Variants in DUSP16 observed in about 807,000 individuals in gnomAD.
The protein encoded by DUSP16 is dual specificity protein phosphatase 16.
In DUSP16, 21 loss-of-function variants were observed where a neutral mutation model predicts 58.3. The ratio of observed to expected loss-of-function variants is 0.36; its 90% CI spans 0.26 to 0.52. The LOEUF (loss-of-function observed/expected upper bound fraction) is 0.52. Ranked by LOEUF, DUSP16 falls within the 20% of genes least tolerant of loss-of-function variation. The pLI is 0.94. For synonymous variants in DUSP16, 320 were observed against 323.8 expected, an observed-to-expected ratio of 0.99 and a Z score of 0.12; for missense variants, 726 against 819.0, an observed-to-expected ratio of 0.89 and a Z score of 1.39.
chr12:12,495,703 C>A (rs1390146160), intron 4 of DUSP16, among the ~76,000 whole-genome samples: 1 of 152,178 alleles, frequency 6.6e-6, no homozygotes. Context: ...ATTAAATAAC[C>A]ACAGGCATTT....
At chr12:12,499,324 G>T (rs1406210768) in intron 4 of DUSP16, among the ~76,000 whole-genome samples, 2 of 152,112 alleles carry the variant, frequency 1.3e-5, no homozygotes, top group Non-Finnish European at 2.9e-5. Flanking sequence ...TCTCTAAAAA[G>T]AATTAATAAT....
intron 3 of DUSP16, among the ~76,000 whole-genome samples, chr12:12,508,676 C>T (rs1423919865): frequency 6.6e-6 from 1 of 152,190 alleles, no homozygotes. Context: ...GACAAGTAGC[C>T]TACATCTCAC....
chr12:12,513,724 A>T (rs1331753731), intron 3 of DUSP16, among the ~76,000 whole-genome samples: 2 of 152,184 alleles, frequency 1.3e-5, no homozygotes, highest in Non-Finnish European at 2.9e-5. Context: ...GGGGAAAGAG[A>T]AGGACATAGT....
At chr12:12,549,652 T>A (rs1052241428) in intron 1 of DUSP16, among the ~76,000 whole-genome samples, 9 of 152,078 alleles carry the variant, frequency 5.9e-5, no homozygotes, top group African/African-American at 2.2e-4. Context: ...TCCTCTCACA[T>A]ATGTTACCAT....
intron 5 of DUSP16, among the ~76,000 whole-genome samples, chr12:12,482,396 C>G (rs1943588107): frequency 6.6e-6 from 1 of 152,186 alleles, no homozygotes; most frequent in Non-Finnish European, 1.5e-5. Context: ...GTGCTTACAA[C>G]TGTTTTTATA....
intron 3 of DUSP16, among the ~76,000 whole-genome samples, chr12:12,513,098 G>C (rs1488481406): frequency 6.6e-6 from 1 of 152,090 alleles, no homozygotes; most frequent in Non-Finnish European, 1.5e-5. Context: ...TTGTTCACTC[G>C]TAGGTCTAAC....
rs184165254 is a variant in DUSP16, at chr12:12,499,938, C to A, written c.531+581G>T. Among the ~76,000 whole-genome samples the A allele has an allele frequency of 1.2e-3, 186 of 152,066 alleles. 1 individual carries two copies. The East Asian group carries it at 0.025, about 21-fold the overall frequency. On this transcript the variant is annotated intron_variant, in intron 4 of 6. Coordinates refer to ENST00000298573, the MANE Select transcript of DUSP16 (RefSeq NM_030640.3). ...TTAGGGCACGCTTTGTCCAGTAGGG[C>A]CCGTGTCTTTTTCATCAATAATCCA...
intron 6 of DUSP16, among the ~76,000 whole-genome samples, chr12:12,479,705 ACCCAG>A: frequency 6.6e-6 from 1 of 152,204 alleles, no homozygotes; most frequent in Non-Finnish European, 1.5e-5. Context: ...ACTGGAGGCA[ACCCAG>A]TCAAAATCAC....
chr12:12,484,321 TTG>T (rs1294680410), intron 5 of DUSP16, among the ~76,000 whole-genome samples: 18 of 152,202 alleles, frequency 1.2e-4, no homozygotes, highest in Non-Finnish European at 1.8e-4. Context: ...AATATGTATT[TTG>T]TGTGTATGTG....
At chr12:12,482,950 C>G (rs1405043265) in intron 5 of DUSP16, among the ~76,000 whole-genome samples, 1 of 152,172 alleles carries the variant, frequency 6.6e-6, no homozygotes, top group Non-Finnish European at 1.5e-5. Flanking sequence ...TGGCCTCAAG[C>G]AATCCTCCCG....
At chr12:12,551,839 T>A (rs1944733153) in intron 1 of DUSP16, among the ~76,000 whole-genome samples, 1 of 151,994 alleles carries the variant, frequency 6.6e-6, no homozygotes, top group South Asian at 2.1e-4. Context: ...ACTACAGGCG[T>A]GCACTGCCAT....
intron 3 of DUSP16, among the ~76,000 whole-genome samples, chr12:12,504,920 A>C (rs1022823392): frequency 2.0e-5 from 3 of 152,174 alleles, no homozygotes; most frequent in African/African-American, 7.2e-5. Flanking sequence ...ATTCCAATAA[A>C]TGTTCTCAAA....
chr12:12,498,105 T>C (rs2417190), intron 4 of DUSP16, among the ~76,000 whole-genome samples: 81,713 of 152,040 alleles, frequency 0.54, 22,329 homozygotes, highest in East Asian at 0.71. Context: ...AAATTTTCAT[T>C]TTTGGAGATC....
intron 3 of DUSP16, among the ~76,000 whole-genome samples, chr12:12,516,794 T>C (rs1312574253): frequency 6.6e-6 from 1 of 152,210 alleles, no homozygotes; most frequent in Non-Finnish European, 1.5e-5. Flanking sequence ...ATAGGAAATA[T>C]AAACAATATA....
At chr12:12,503,231 T>C (rs1363700149) in intron 3 of DUSP16, among the ~76,000 whole-genome samples, 2 of 149,344 alleles carry the variant, frequency 1.3e-5, no homozygotes, top group South Asian at 2.2e-4. Context: ...TTGCTTTTTT[T>C]TTTTTTTTTT....
rs1221889849 is a variant in DUSP16, at chr12:12,508,654, T to G, written c.368-7972A>C. On this transcript the variant is annotated intron_variant, in intron 3 of 6. Coordinates refer to ENST00000298573, the MANE Select transcript of DUSP16 (RefSeq NM_030640.3). ...AGAGTGGATAGATACGCATTTCTCT[T>G]TCAGGAAGGCTGACAAGTAGCCTAC... Among the ~76,000 whole-genome samples the G allele has an allele frequency of 2.6e-5, 4 of 152,148 alleles. No homozygotes were observed. The East Asian group carries it at 7.7e-4, about 29-fold the overall frequency.
At chr12:12,547,945 G>A (rs1478195219) in intron 1 of DUSP16, among the ~76,000 whole-genome samples, 1 of 152,162 alleles carries the variant, frequency 6.6e-6, no homozygotes, top group Non-Finnish European at 1.5e-5. Context: ...TACATATAAT[G>A]AGGAGAGGGA....
intron 3 of DUSP16, among the ~76,000 whole-genome samples, chr12:12,519,073 G>A (rs1944193178): frequency 1.3e-5 from 2 of 152,222 alleles, no homozygotes; most frequent in Non-Finnish European, 2.9e-5. Context: ...GTTACTGTGT[G>A]TTGTCAAACT....
At chr12:12,538,266 G>A (rs1306161144) in intron 1 of DUSP16, among the ~76,000 whole-genome samples, 3 of 152,138 alleles carry the variant, frequency 2.0e-5, no homozygotes, top group Non-Finnish European at 4.4e-5. Flanking sequence ...TTACCTGGAG[G>A]ACATAGAGGC....
Sources: gnomAD v4.1 joint callset for allele counts (sites outside exome capture counted in the v4.1 genomes callset) on GRCh38, gnomAD v4.1.1 for gene constraint, MANE v1.5 for transcripts, NCBI Gene and HGNC (gene_info 2026-07-23, HGNC 2026-07-21) for gene names.